CTNNB1: variants seen among roughly 807,000 people sequenced by gnomAD.
CTNNB1 encodes the protein catenin beta-1.
A neutral mutation model predicts 82.5 loss-of-function variants in CTNNB1; 6 were observed. The observed-to-expected ratio is 0.07, with a 90% CI of 0.04 to 0.14. CTNNB1 has a LOEUF of 0.14. Ranked by LOEUF, CTNNB1 falls within the 10% of genes least tolerant of loss-of-function variation. The pLI is 1.00. For synonymous variants in CTNNB1, 312 were observed against 329.7 expected, an observed-to-expected ratio of 0.95 and a Z score of 0.58; for missense variants, 529 against 980.4, an observed-to-expected ratio of 0.54 and a Z score of 6.15.
In CTNNB1 at chr3:41,225,486, G is replaced by A. The variant is rs2125623089; in HGVS notation, c.648G>A (p.Gly216=). 1 of 1,614,018 alleles carries A rather than the reference G, an allele frequency of 6.2e-7. No homozygotes were observed. The highest frequency in any genetic ancestry group is 1.3e-5 in the African/African-American group (1 of 75,038). Residue 216 remains glycine (G), a synonymous_variant, in exon 5 of 15, where the codon GGG becomes GGA. Transcript: ENST00000349496. The surrounding 1 kb of genome is among the most constrained non-coding windows in gnomAD (Gnocchi z 5.3). The stretch of plus-strand genomic sequence containing the variant: ...TAGAAACAGCTCGTTGTACCGCTGG[G>A]ACCTTGCATAACCTTTCCCATCATC... ...NDVETARCTA[G]TLHNLSHHRE...
Position 41,239,679 on chromosome 3 carries a change from A to G in CTNNB1, c.*337A>G, listed in dbSNP as rs975271178. ...ATACAGCTGTATTGTCTGAACTTGC[A>G]TTGTGATTGGCCTGTAGAGTTGCTG... On this transcript the variant is annotated 3_prime_UTR_variant, in exon 15 of 15. Transcript: ENST00000349496. 2 of 433,370 alleles carry G rather than the reference A, an allele frequency of 4.6e-6. No individual in the cohort carries two copies. Among genetic ancestry groups the G allele is most frequent in the Non-Finnish European group, 8.6e-6 (2 of 232,696 alleles). The allele number at this position is 433,370 out of a possible 1,614,324, so 26.8% of individuals were successfully genotyped here.
chr3:41,234,751 G>A (rs1191840695), intron 10 of CTNNB1: 1 of 187,030 alleles, frequency 5.3e-6, no homozygotes, highest in African/African-American at 2.4e-5. Context: ...TCAGAAATAA[G>A]TAGTAGCATT....
chr3:41,234,077 A>G (rs1257268757), intron 9 of CTNNB1, 62 bp from the exon 10 acceptor site: 1 of 1,604,352 alleles, frequency 6.2e-7, no homozygotes, highest in Non-Finnish European at 8.5e-7. Flanking sequence ...GTGTGGTGGG[A>G]ATTTTAGGGT....
chr3:41,215,093 A>G (rs1198649926), intron 1 of CTNNB1, among the ~76,000 whole-genome samples: 5 of 152,004 alleles, frequency 3.3e-5, no homozygotes, highest in African/African-American at 1.2e-4. Context: ...TAGGTTATAA[A>G]TTGGCTGGGC....
At chr3:41,203,810 G>GA (rs1279304836) in intron 1 of CTNNB1, among the ~76,000 whole-genome samples, 1 of 152,108 alleles carries the variant, frequency 6.6e-6, no homozygotes, top group East Asian at 1.9e-4. Flanking sequence ...ATTATTTTCT[G>GA]AAAATCCATG....
At chr3:41,239,079 C>CCT (rs1269171924) in intron 14 of CTNNB1, 55 bp from the exon 15 acceptor site, 5 of 1,432,590 alleles carry the variant, frequency 3.5e-6, no homozygotes, top group Non-Finnish European at 4.9e-6. Flanking sequence ...CTGCTTCTCT[C>CCT]CTCTCTCTTT....
chr3:41,215,570 G>C (rs1409348067), intron 1 of CTNNB1, among the ~76,000 whole-genome samples: 1 of 151,966 alleles, frequency 6.6e-6, no homozygotes, highest in Non-Finnish European at 1.5e-5. Context: ...GCGAGAAGCT[G>C]TTTCTAAATG....
At position 41,218,419 on chromosome 3, in the gene CTNNB1, AGACAT is replaced by A. The variant is rs550518120; in HGVS notation, c.-48-5601_-48-5597del. 4.1e-4 allele frequency among the ~76,000 whole-genome samples: 62 copies of A among 152,354 alleles called. 1 individual carries two copies. The East Asian group carries it at 0.011, about 28-fold the overall frequency. ...TATAGTTCTTCTTAAATCAAGAACA[AGACAT>A]ATCTTCCCATTTACTCTCGTATGTA... On this transcript the variant is annotated intron_variant, in intron 1 of 14. Transcript: ENST00000349496.
chr3:41,234,737 A>T (rs180919663), intron 10 of CTNNB1: 9 of 194,484 alleles, frequency 4.6e-5, no homozygotes, highest in Admixed American at 2.1e-4. Flanking sequence ...GGACCTAAGA[A>T]TATTCAGAAA....
rs375414688 is a variant in CTNNB1, at chr3:41,235,866, T to C, written c.1803+23T>C. On this transcript the variant is annotated intron_variant, in intron 11 of 14. Coordinates refer to ENST00000349496, the MANE Select transcript of CTNNB1 (RefSeq NM_001904.4). ...CAGGTATGTTTTAAGTGAAGTGTTCTAGGTTTTATGTCCATAAAATTTCCA... is the reference window on the plus strand; with the variant it reads ...CAGGTATGTTTTAAGTGAAGTGTTCCAGGTTTTATGTCCATAAAATTTCCA... 4.3e-5 allele frequency: 70 copies of C among 1,613,804 alleles called. 2 individuals are homozygous for C. The South Asian group carries it at 6.4e-4, about 15-fold the overall frequency.
chr3:41,203,403 C>CT (rs1325462213), intron 1 of CTNNB1, among the ~76,000 whole-genome samples: 3 of 152,032 alleles, frequency 2.0e-5, no homozygotes, highest in Admixed American at 6.5e-5. Flanking sequence ...TTTAAGGTCA[C>CT]TTTGAGTAGG....
At chr3:41,227,745 CT>C (rs1434681899) in intron 7 of CTNNB1, among the ~76,000 whole-genome samples, 5 of 152,030 alleles carry the variant, frequency 3.3e-5, no homozygotes, top group Non-Finnish European at 7.4e-5. Flanking sequence ...TTTGTTTTAA[CT>C]TTTAGGTTCC....
chr3:41,229,876 C>CTGTGTGTGTGTGTGTGTGTGTGTGTG (rs58153157), intron 7 of CTNNB1, among the ~76,000 whole-genome samples: 1 of 147,130 alleles, frequency 6.8e-6, no homozygotes, highest in African/African-American at 2.5e-5. Flanking sequence ...CTCTTGGGTT[C>CTGTGTGTGTGTGTGTGTGTGTGTGTG]TGTGTGTGTG....
At chr3:41,204,361 C>T (rs1030854463) in intron 1 of CTNNB1, among the ~76,000 whole-genome samples, 13 of 152,144 alleles carry the variant, frequency 8.5e-5, no homozygotes, top group African/African-American at 3.1e-4. Context: ...CTTAATTTGT[C>T]TCTTGAAATG....
At chr3:41,235,337 A>G (rs1402049197) in intron 10 of CTNNB1, 1 of 247,126 alleles carries the variant, frequency 4.0e-6, no homozygotes, top group Non-Finnish European at 8.0e-6. Flanking sequence ...TTTTCACCAA[A>G]TACATGGAAG....
intron 1 of CTNNB1, among the ~76,000 whole-genome samples, chr3:41,218,628 C>G (rs1427349839): frequency 6.6e-6 from 1 of 152,224 alleles, no homozygotes; most frequent in Non-Finnish European, 1.5e-5. Context: ...TCGCAGGACA[C>G]TGGGCTCAGA....
At chr3:41,224,148 C>A in intron 2 of CTNNB1, 67 bp downstream of exon 2, 1 of 1,564,068 alleles carries the variant, frequency 6.4e-7, no homozygotes, top group Non-Finnish European at 8.8e-7. Context: ...GCCAGTCTGG[C>A]TGAGATCCCC....
rs2078140199 is a variant in CTNNB1 at position 41,224,954 on chromosome 3, A to T, written c.242A>T (p.Asp81Val). 1 of 1,613,932 alleles carries T rather than the reference A, an allele frequency of 6.2e-7. No homozygotes were observed. The change falls in exon 4 of 15, where the codon GAT becomes GTT. Residue 81 changes from aspartate (D) to valine (V), a missense_variant and splice_region_variant. Physicochemically the swap from Asp to Val is radical, Grantham distance 152. Coordinates refer to ENST00000349496, the MANE Select transcript of CTNNB1 (RefSeq NM_001904.4). ...TGAGTGTTGAATTAACCTTTTCCAG[A>T]TATTGATGGACAGTATGCAATGACT... Reference protein sequence around the residue: ...SQSFTQEQVADIDGQYAMTRA... With the variant: ...SQSFTQEQVAVIDGQYAMTRA...
rs1209945048 is a variant in CTNNB1, at chr3:41,234,061, G to A, written c.1525-78G>A. The A allele has an allele frequency of 3.2e-6, 5 of 1,582,546 alleles. No homozygotes were observed. In the East Asian group the frequency reaches 8.9e-5, roughly 28 times the overall value. On this transcript the variant is annotated intron_variant, in intron 9 of 14. Coordinates refer to ENST00000349496, the MANE Select transcript of CTNNB1 (RefSeq NM_001904.4). Reference sequence around the variant, plus strand: ...GAACTACTTTTAGTTGATACCAATAGATTTAGTGTGGTGGGAATTTTAGGG... The same window carrying A: ...GAACTACTTTTAGTTGATACCAATAAATTTAGTGTGGTGGGAATTTTAGGG...
Sources: allele counts gnomAD v4.1 joint callset (sites outside exome capture counted in the v4.1 genomes callset), GRCh38; gene constraint gnomAD v4.1.1; non-coding constraint Gnocchi (gnomAD v3.1); transcripts MANE v1.5; gene names NCBI Gene and HGNC (gene_info 2026-07-23, HGNC 2026-07-21).